The following FARP1 variants were observed in gnomAD, a reference collection of about 807,000 sequenced individuals.
FARP1 encodes the protein FERM, ARHGEF and pleckstrin domain-containing protein 1.
FARP1 carries 52 observed loss-of-function variants against 128.8 expected under a neutral mutation model. The observed-to-expected ratio is 0.40, with a 90% confidence interval of 0.32 to 0.51. The LOEUF (loss-of-function observed/expected upper bound fraction) is 0.51. FARP1 is among the 20% of genes least tolerant of loss of function. FARP1 has a pLI of 0.45. For missense variants in FARP1, 1,333 were observed against 1,367.9 expected (o/e 0.97, Z 0.40); for synonymous variants, 580 against 551.8 (o/e 1.05, Z -0.72).
chr13:98,228,026 A>C (rs1881895701), intron 2 of FARP1, among the ~76,000 whole-genome samples: 1 of 152,202 alleles, frequency 6.6e-6, no homozygotes, highest in Admixed American at 6.5e-5. Context: ...TTTCACAACA[A>C]TGCGAATATA....
At chr13:98,300,670 C>T (rs945652124) in intron 2 of FARP1, among the ~76,000 whole-genome samples, 4 of 152,176 alleles carry the variant, frequency 2.6e-5, no homozygotes, top group African/African-American at 7.2e-5. Context: ...CACCCTTCCC[C>T]GTCCCCTCTG....
chr13:98,398,969 T>G (rs1467182744), intron 13 of FARP1: 1 of 152,216 alleles, frequency 6.6e-6, no homozygotes, highest in Non-Finnish European at 1.5e-5. Context: ...CCTACAGCAG[T>G]GATTTTTATC....
chr13:98,325,385 C>A (rs1212828839), intron 2 of FARP1, among the ~76,000 whole-genome samples: 1 of 152,086 alleles, frequency 6.6e-6, no homozygotes, highest in African/African-American at 2.4e-5. Context: ...GGTACTCTAT[C>A]ATCTGTACGA....
intron 1 of FARP1, among the ~76,000 whole-genome samples, chr13:98,183,532 C>T (rs1187576134): frequency 6.6e-6 from 1 of 152,186 alleles, no homozygotes; most frequent in Admixed American, 6.5e-5. Flanking sequence ...CACGCTTGGA[C>T]GAATGCTCCC....
intron 2 of FARP1, among the ~76,000 whole-genome samples, chr13:98,319,215 G>C (rs1014552713): frequency 6.6e-6 from 1 of 151,862 alleles, no homozygotes; most frequent in African/African-American, 2.4e-5. Flanking sequence ...TCGACCACCT[G>C]GGACTCTCAA....
intron 1 of FARP1, among the ~76,000 whole-genome samples, chr13:98,159,086 A>G (rs896350882): frequency 2.6e-5 from 4 of 152,308 alleles, no homozygotes; most frequent in South Asian, 4.1e-4. Context: ...GCTTGAGTCT[A>G]GTGTGTGAAC....
At chr13:98,307,581 G>T (rs757371208) in intron 2 of FARP1, among the ~76,000 whole-genome samples, 5 of 152,104 alleles carry the variant, frequency 3.3e-5, no homozygotes, top group Non-Finnish European at 7.3e-5. Context: ...CTCACAGCGC[G>T]TTCATGTCGG....
In FARP1 at chr13:98,384,835, A is replaced by G. The variant is rs2274059; in HGVS notation, c.602A>G (p.His201Arg). Residue 201 changes from histidine to arginine, a missense_variant, in exon 7 of 27, where the codon CAT (histidine) becomes CGT (arginine). His to Arg is a conservative substitution (Grantham distance 29, BLOSUM62 0). This residue lies in a region of FARP1 where 324 missense variants were observed against 398.1 expected (regional missense o/e 0.81). Coordinates refer to ENST00000319562, the MANE Select transcript of FARP1 (RefSeq NM_005766.4). ...GAGGACAAAATCGTGGAATTTCACC[A>G]TAACCACATGTAAGTCTCATTCTTG... Reference protein sequence around the residue: ...ALEDKIVEFHHNHIGQTPAES... With the variant: ...ALEDKIVEFHRNHIGQTPAES... 3.7e-6 allele frequency: 6 copies of G among 1,603,644 alleles called. No homozygotes were observed. The East Asian group carries it at 1.1e-4, about 30-fold the overall frequency.
chr13:98,278,296 G>A (rs56092164), intron 2 of FARP1, among the ~76,000 whole-genome samples: 6 of 143,944 alleles, frequency 4.2e-5, no homozygotes, highest in African/African-American at 1.7e-4. Context: ...GTATGTATGT[G>A]TGTGTGTGTG....
At chr13:98,351,973 G>A (rs1172365123) in intron 3 of FARP1, among the ~76,000 whole-genome samples, 1 of 152,122 alleles carries the variant, frequency 6.6e-6, no homozygotes, top group Non-Finnish European at 1.5e-5. Context: ...CATATCAGTG[G>A]TTAAAGAAAA....
intron 1 of FARP1, among the ~76,000 whole-genome samples, chr13:98,155,572 A>C (rs1169765254): frequency 2.0e-5 from 3 of 151,942 alleles, no homozygotes; most frequent in African/African-American, 7.3e-5. Context: ...CCCAGGCTTG[A>C]GTGTGGTGTG....
intron 1 of FARP1, among the ~76,000 whole-genome samples, chr13:98,173,332 T>C (rs1425752635): frequency 6.6e-6 from 1 of 152,206 alleles, no homozygotes; most frequent in Non-Finnish European, 1.5e-5. Context: ...AGGTGGTACT[T>C]ATAAAAACTC....
At position 98,410,752 on chromosome 13, in the gene FARP1, G is replaced by A. The variant is rs747091097; in HGVS notation, c.1621G>A (p.Ala541Thr). The A allele has an allele frequency of 4.4e-6, 7 of 1,600,978 alleles. No individual in the cohort carries two copies. The highest frequency in any genetic ancestry group is 6.0e-6 in the Non-Finnish European group (7 of 1,170,532). Residue 541 changes from alanine (A) to threonine (T), a missense_variant, in exon 15 of 27, where the codon GCG becomes ACG. This residue lies in a region of FARP1 where 1,009 missense variants were observed against 969.8 expected (regional missense o/e 1.04). Transcript: ENST00000319562. ...TTTGCAGAGATTCCCAACTGATAAAGCGTACTTCATAGCTAAGGAAGTGTC... is the reference window on the plus strand; with the variant it reads ...TTTGCAGAGATTCCCAACTGATAAAACGTACTTCATAGCTAAGGAAGTGTC... ...GRRKRFPTDK[A>T]YFIAKEVSTT...
intron 1 of FARP1, among the ~76,000 whole-genome samples, chr13:98,159,339 C>T (rs1300750465): frequency 6.6e-6 from 1 of 152,146 alleles, no homozygotes; most frequent in Non-Finnish European, 1.5e-5. Flanking sequence ...AGTCAGGGGT[C>T]TTCTTGTAGT....
At chr13:98,246,315 T>C (rs1370614340) in intron 2 of FARP1, among the ~76,000 whole-genome samples, 4 of 77,894 alleles carry the variant, frequency 5.1e-5, no homozygotes, top group African/African-American at 2.0e-4. Context: ...CAGGATGGTC[T>C]CGATCTCCTG....
chr13:98,356,153 T>G (rs1247687210), intron 3 of FARP1, among the ~76,000 whole-genome samples: 1 of 152,266 alleles, frequency 6.6e-6, no homozygotes, highest in Non-Finnish European at 1.5e-5. Flanking sequence ...GCCTACATAC[T>G]AATATTGAGA....
intron 9 of FARP1, chr13:98,389,346 C>T (rs1433165211): frequency 6.6e-6 from 1 of 152,478 alleles, no homozygotes. Context: ...ACAGTAGTAA[C>T]TTTTGTTTAT....
intron 2 of FARP1, chr13:98,328,064 A>G (rs1485225227): frequency 6.6e-6 from 1 of 152,156 alleles, no homozygotes; most frequent in East Asian, 1.9e-4. Context: ...CTAATGTGTT[A>G]AGCTGAAGCT....
At position 98,448,229 on chromosome 13, in the gene FARP1, G is replaced by GT; in HGVS notation, c.3057-5dup. On this transcript the variant is annotated splice_region_variant and splice_polypyrimidine_tract_variant and intron_variant, in intron 26 of 26. Transcript: ENST00000319562. ...AAGGTTGACTAACTGGCGTTCCCGTGTTGCAGGTGGATGGAAGTGATCCGC... is the reference window on the plus strand; with the variant it reads ...AAGGTTGACTAACTGGCGTTCCCGTGTTTGCAGGTGGATGGAAGTGATCCGC... The GT allele has an allele frequency of 1.9e-6, 3 of 1,613,228 alleles. No individual in the cohort carries two copies. Among genetic ancestry groups the GT allele is most frequent in the Non-Finnish European group, 2.5e-6 (3 of 1,179,228 alleles).
Sources: gnomAD v4.1 joint callset for allele counts (sites outside exome capture counted in the v4.1 genomes callset) on GRCh38, gnomAD v4.1.1 for gene constraint, gnomAD v4.1.1 regional missense constraint, MANE v1.5 for transcripts, NCBI Gene and HGNC (gene_info 2026-07-23, HGNC 2026-07-21) for gene names.